The following RYR3 variants were observed in gnomAD, a reference collection of about 807,000 sequenced individuals.
RYR3 encodes ryanodine receptor 3.
In RYR3, 207 loss-of-function variants were observed where a neutral mutation model predicts 584.3. The observed-to-expected ratio is 0.35, with a 90% CI of 0.32 to 0.40. RYR3 has a LOEUF of 0.40. RYR3 is among the 10% of genes least tolerant of loss of function. RYR3 has a pLI of 1.00. For synonymous variants in RYR3, 2,416 were observed against 2,248.5 expected, an observed-to-expected ratio of 1.07 and a Z score of -2.11; for missense variants, 5,616 against 6,089.2, an observed-to-expected ratio of 0.92 and a Z score of 2.59.
At chr15:33,618,430 T>C (rs189002729) in intron 19 of RYR3, among the ~76,000 whole-genome samples, 2 of 152,048 alleles carry the variant, frequency 1.3e-5, no homozygotes, top group Non-Finnish European at 2.9e-5. Flanking sequence ...CTGAGATAAA[T>C]ATGCTTCTTC....
At chr15:33,713,631 G>A (rs577265008) in intron 43 of RYR3, among the ~76,000 whole-genome samples, 1 of 152,104 alleles carries the variant, frequency 6.6e-6, no homozygotes, top group South Asian at 2.1e-4. Flanking sequence ...AATCCAATGA[G>A]GGAAGCATCT....
At chr15:33,446,288 C>T (rs1011119031) in intron 1 of RYR3, among the ~76,000 whole-genome samples, 2 of 152,174 alleles carry the variant, frequency 1.3e-5, no homozygotes, top group East Asian at 1.9e-4. Context: ...GAGCTCTTCC[C>T]TCTCAGATAA....
At chr15:33,536,477 A>C (rs1351632707) in intron 5 of RYR3, among the ~76,000 whole-genome samples, 2 of 152,182 alleles carry the variant, frequency 1.3e-5, no homozygotes, top group South Asian at 2.1e-4. Context: ...CCCACACTAA[A>C]AGTGTTATTT....
At chr15:33,314,027 A>T (rs1418074210) in intron 1 of RYR3, among the ~76,000 whole-genome samples, 1 of 152,188 alleles carries the variant, frequency 6.6e-6, no homozygotes, top group Non-Finnish European at 1.5e-5. Flanking sequence ...TATTTTGGTT[A>T]TGTCCTCTGA....
chr15:33,312,598 G>A (rs978509087), intron 1 of RYR3, among the ~76,000 whole-genome samples: 1 of 152,176 alleles, frequency 6.6e-6, no homozygotes, highest in African/African-American at 2.4e-5. Context: ...CCTCTGACAG[G>A]TGTCTTTAGT....
intron 67 of RYR3, among the ~76,000 whole-genome samples, chr15:33,799,685 G>GGGTTGGTTATAGCC (rs569532911): frequency 1.3e-5 from 2 of 152,220 alleles, no homozygotes; most frequent in Non-Finnish European, 2.9e-5. Flanking sequence ...CCCAATGAAG[G>GGGTTGGTTATAGCC]GGTTGGTTAT....
chr15:33,390,736 A>G lies in RYR3; in HGVS notation c.51+79640A>G, dbSNP rs1343191763. Among the ~76,000 whole-genome samples, 1 of 152,168 alleles carries G rather than the reference A, an allele frequency of 6.6e-6. No homozygotes were observed. The highest frequency in any genetic ancestry group is 1.5e-5 in the Non-Finnish European group (1 of 68,024). On this transcript the variant is annotated intron_variant, in intron 1 of 103. Coordinates refer to ENST00000634891, the MANE Select transcript of RYR3 (RefSeq NM_001036.6). This position sits in a 1 kb window ranked among gnomAD's most constrained non-coding sequence, Gnocchi z 4.2. ...TGTGATTTATGCCGAACACCTGCTT[A>G]GTTCTGGGAATCTAGAAGAGCGGTA...
At chr15:33,514,052 A>T (rs2053275886) in intron 3 of RYR3, among the ~76,000 whole-genome samples, 1 of 152,056 alleles carries the variant, frequency 6.6e-6, no homozygotes, top group Admixed American at 6.6e-5. Flanking sequence ...GTTTTGGTTT[A>T]AAAAAATGCC....
At position 33,562,969 on chromosome 15, in the gene RYR3, C is replaced by A; in HGVS notation, c.1105C>A (p.Gln369Lys). 2 of 1,612,426 alleles carry A rather than the reference C, an allele frequency of 1.2e-6. No individual in the cohort carries two copies. Among genetic ancestry groups the A allele is most frequent in the South Asian group, 1.1e-5 (1 of 90,712 alleles). Residue 369 changes from glutamine to lysine, a missense_variant, in exon 11 of 104, where the codon CAA becomes AAA. Gln to Lys is a moderately conservative substitution (Grantham distance 53). Transcript: ENST00000634891. ...ASGLWVTYKA[Q>K]DAKTSRLGPL... The stretch of plus-strand genomic sequence containing the variant: ...TGGTCTGTGGGTGACCTACAAAGCA[C>A]AAGACGCCAAAACTTCCCGCCTGGG...
intron 1 of RYR3, among the ~76,000 whole-genome samples, chr15:33,332,907 G>A (rs1970523832): frequency 1.3e-5 from 2 of 151,946 alleles, no homozygotes; most frequent in Non-Finnish European, 2.9e-5. Flanking sequence ...GAACTCTGTT[G>A]CAACTACTCA....
In RYR3 at chr15:33,646,496, C is replaced by G. The variant is rs769959355; in HGVS notation, c.3911C>G (p.Pro1304Arg). 1.2e-6 allele frequency: 2 copies of G among 1,613,206 alleles called. No homozygotes were observed. Among genetic ancestry groups the G allele is most frequent in the African/African-American group, 2.7e-5 (2 of 75,016 alleles). Reference sequence around the variant, plus strand: ...TGCCACTCCTCCTTCAGCCACAGCCCCTGTCTGGACAGTGAAGCTTTCCAG... The same window carrying G: ...TGCCACTCCTCCTTCAGCCACAGCCGCTGTCTGGACAGTGAAGCTTTCCAG... ...VECHSSFSHS[P>R]CLDSEAFQKR... is the part of the protein sequence containing the mutation. The change falls in exon 29 of 104, where the codon CCC (proline) becomes CGC (arginine). Residue 1304 changes from proline to arginine, a missense_variant. By Grantham distance (103) the Pro-to-Arg change is moderately radical. Transcript: ENST00000634891.
rs777067028 is a variant in RYR3, at chr15:33,853,034, T to C, written c.13629-11T>C. ...GAATGAAGAACCAACCTTTTTCGTT[T>C]TGTTTTTCAGATCTTTTCCTAATAA... On this transcript the variant is annotated splice_polypyrimidine_tract_variant and intron_variant, in intron 94 of 103. Transcript: ENST00000634891. 4 of 1,603,086 alleles carry C rather than the reference T, an allele frequency of 2.5e-6. No individual in the cohort carries two copies. Among genetic ancestry groups the C allele is most frequent in the Non-Finnish European group, 8.5e-7 (1 of 1,174,766 alleles).
chr15:33,761,951 A>G (rs1049456420), intron 60 of RYR3, among the ~76,000 whole-genome samples: 3 of 152,222 alleles, frequency 2.0e-5, no homozygotes, highest in African/African-American at 7.2e-5. Context: ...AGGCTGGTTC[A>G]ACATACAGAA....
chr15:33,793,601 CAG>C (rs1457219792), intron 67 of RYR3, among the ~76,000 whole-genome samples: 1 of 152,122 alleles, frequency 6.6e-6, no homozygotes, highest in African/African-American at 2.4e-5. Flanking sequence ...TGCCTGGAAA[CAG>C]GGGCAAAGAC....
At chr15:33,483,806 T>C (rs746431813) in intron 2 of RYR3, among the ~76,000 whole-genome samples, 1 of 152,190 alleles carries the variant, frequency 6.6e-6, no homozygotes, top group Non-Finnish European at 1.5e-5. Flanking sequence ...TCCTTGTTCC[T>C]AACATTTCTC....
intron 19 of RYR3, among the ~76,000 whole-genome samples, chr15:33,621,768 C>A (rs927272803): frequency 1.3e-5 from 2 of 151,994 alleles, no homozygotes; most frequent in African/African-American, 4.8e-5. Context: ...AGGAAAAAAA[C>A]CTTAGCACCT....
intron 72 of RYR3, 137 bp from the exon 73 acceptor site, chr15:33,812,726 A>C: frequency 1.3e-6 from 1 of 750,856 alleles, no homozygotes; most frequent in Non-Finnish European, 2.1e-6. Context: ...GTTCCAGAAG[A>C]TAATTGAGAA....
intron 67 of RYR3, 25 bp from the exon 68 acceptor site, chr15:33,800,741 AATGC>A (rs1273943127): frequency 6.6e-7 from 1 of 1,517,074 alleles, no homozygotes. Context: ...CTGAATTTCA[AATGC>A]CTGTTTATTT....
chr15:33,621,618 A>G (rs1330247300), intron 19 of RYR3, among the ~76,000 whole-genome samples: 1 of 152,204 alleles, frequency 6.6e-6, no homozygotes, highest in Non-Finnish European at 1.5e-5. Context: ...CACAAGGGAC[A>G]ATTGTGATTC....
Sources: allele counts gnomAD v4.1 joint callset (sites outside exome capture counted in the v4.1 genomes callset), GRCh38; gene constraint gnomAD v4.1.1; non-coding constraint Gnocchi (gnomAD v3.1); transcripts MANE v1.5; gene names NCBI Gene and HGNC (gene_info 2026-07-23, HGNC 2026-07-21).